The following KIAA1671 variants were observed in gnomAD, a reference collection of about 807,000 sequenced individuals.
The protein encoded by KIAA1671 is uncharacterized protein KIAA1671.
KIAA1671 carries 52 observed loss-of-function variants against 131.2 expected under a neutral mutation model. The observed-to-expected ratio is 0.40, with a 90% confidence interval of 0.32 to 0.50. KIAA1671 has a LOEUF of 0.50. Ranked by LOEUF, KIAA1671 falls within the 20% of genes least tolerant of loss-of-function variation. The probability of loss-of-function intolerance (pLI) is 0.73; values close to 1 mark genes in which losing one functional copy is unlikely to be tolerated. For missense variants in KIAA1671, 2,360 were observed against 2,364.2 expected (o/e 1.00, Z 0.04); for synonymous variants, 1,003 against 961.6 (o/e 1.04, Z -0.80).
intron 6 of KIAA1671, among the ~76,000 whole-genome samples, chr22:25,133,043 G>T (rs7290402): frequency 8.0e-6 from 1 of 125,620 alleles, no homozygotes; most frequent in East Asian, 2.4e-4. Flanking sequence ...GACAGAGTGA[G>T]ACTCCATCTC....
intron 6 of KIAA1671, among the ~76,000 whole-genome samples, chr22:25,087,244 C>T (rs1179592292): frequency 2.0e-5 from 3 of 149,972 alleles, no homozygotes; most frequent in Non-Finnish European, 3.0e-5. Context: ...TCTGCCCACT[C>T]TTAGAGATTT....
intron 6 of KIAA1671, among the ~76,000 whole-genome samples, chr22:25,098,012 G>A (rs567158986): frequency 6.6e-6 from 1 of 152,286 alleles, no homozygotes; most frequent in Non-Finnish European, 1.5e-5. Flanking sequence ...GGTGCATCAC[G>A]AGGAAGACTT....
intron 4 of KIAA1671, among the ~76,000 whole-genome samples, chr22:25,036,305 C>G (rs1197888409): frequency 1.3e-5 from 2 of 151,932 alleles, no homozygotes; most frequent in African/African-American, 4.8e-5. Context: ...GTCTCGAACT[C>G]CCGACCTCAG....
intron 5 of KIAA1671, among the ~76,000 whole-genome samples, chr22:25,042,464 T>G (rs1206677058): frequency 4.8e-5 from 1 of 20,762 alleles, no homozygotes; most frequent in Admixed American, 3.4e-4. Flanking sequence ...CAGTCCCTTG[T>G]TTTTTTTTTT....
At chr22:25,103,335 C>G (rs569103331) in intron 6 of KIAA1671, among the ~76,000 whole-genome samples, 2 of 152,136 alleles carry the variant, frequency 1.3e-5, no homozygotes, top group East Asian at 3.9e-4. Context: ...CTCAGCCTCC[C>G]GGGTAGCTGG....
At chr22:25,012,123 C>T (rs1925071898) in intron 1 of KIAA1671, 1 of 152,034 alleles carries the variant, frequency 6.6e-6, no homozygotes, top group Non-Finnish European at 1.5e-5. Flanking sequence ...GAGCTTGCAT[C>T]TGCACTGTTG....
chr22:25,040,418 T>C lies in KIAA1671; in HGVS notation c.3288T>C (p.Asn1096=), dbSNP rs1318980344. Residue 1096 remains asparagine, a synonymous_variant, in exon 5 of 13, where the codon AAT becomes AAC. Coordinates refer to ENST00000358431, the MANE Select transcript of KIAA1671 (RefSeq NM_001145206.2). ...GGATGAAGGGACGAGAGCATGAAAATGCAAGCATTTTAAAAACTCTGAAGC... is the reference window on the plus strand; with the variant it reads ...GGATGAAGGGACGAGAGCATGAAAACGCAAGCATTTTAAAAACTCTGAAGC... ...KNWMKGREHE[N]ASILKTLKPT... The C allele has an allele frequency of 1.3e-6, 2 of 1,551,770 alleles. No homozygotes were observed. Among genetic ancestry groups the C allele is most frequent in the Admixed American group, 3.9e-5 (2 of 50,974 alleles).
At chr22:25,146,915 A>G (rs1932889338) in intron 6 of KIAA1671, among the ~76,000 whole-genome samples, 1 of 152,084 alleles carries the variant, frequency 6.6e-6, no homozygotes, top group African/African-American at 2.4e-5. Context: ...TGCCCCTTTC[A>G]TCTCCCCTGG....
At chr22:24,973,404 T>TG (rs1922739654) in intron 1 of KIAA1671, among the ~76,000 whole-genome samples, 1 of 140,892 alleles carries the variant, frequency 7.1e-6, no homozygotes, top group Non-Finnish European at 1.5e-5. Flanking sequence ...TTTTTTTTTT[T>TG]TTTTTTTTTT....
At chr22:25,115,544 C>G (rs2145920562) in intron 6 of KIAA1671, among the ~76,000 whole-genome samples, 1 of 152,306 alleles carries the variant, frequency 6.6e-6, no homozygotes, top group African/African-American at 2.4e-5. Context: ...ATAGCCCTGG[C>G]ATGCAGGAGG....
chr22:25,014,869 GTC>G (rs1267080785), intron 1 of KIAA1671: 2 of 152,198 alleles, frequency 1.3e-5, no homozygotes, highest in African/African-American at 4.8e-5. Flanking sequence ...GGGAAGTCCA[GTC>G]TCTCAGGAGG....
intron 1 of KIAA1671, chr22:25,012,976 A>G (rs1925114527): frequency 6.6e-6 from 1 of 152,248 alleles, no homozygotes; most frequent in African/African-American, 2.4e-5. Flanking sequence ...CACTCAGTCT[A>G]TCCTGTGCCA....
At chr22:25,136,178 G>A (rs915940078) in intron 6 of KIAA1671, among the ~76,000 whole-genome samples, 5 of 152,100 alleles carry the variant, frequency 3.3e-5, no homozygotes, top group Admixed American at 3.3e-4. Context: ...ATGTTCCTTA[G>A]GTATCTACCC....
At chr22:25,137,011 A>G (rs933327787) in intron 6 of KIAA1671, among the ~76,000 whole-genome samples, 2 of 152,208 alleles carry the variant, frequency 1.3e-5, no homozygotes, top group Admixed American at 1.3e-4. Flanking sequence ...TCAGCTCCGC[A>G]ATCCTATTAT....
At chr22:25,101,184 G>A (rs1242616249) in intron 6 of KIAA1671, among the ~76,000 whole-genome samples, 1 of 152,182 alleles carries the variant, frequency 6.6e-6, no homozygotes, top group Non-Finnish European at 1.5e-5. Context: ...CTTTCCCAGG[G>A]TCTGATTGCC....
chr22:25,042,662 A>T (rs1335544133), intron 5 of KIAA1671, among the ~76,000 whole-genome samples: 2 of 149,948 alleles, frequency 1.3e-5, no homozygotes, highest in Admixed American at 6.6e-5. Flanking sequence ...TTTAGTAGAG[A>T]CGGGGTTTCA....
chr22:25,107,802 G>A (rs567607099), intron 6 of KIAA1671, among the ~76,000 whole-genome samples: 173 of 152,000 alleles, frequency 1.1e-3, no homozygotes, highest in Middle Eastern at 6.8e-3. Flanking sequence ...CTGGTCAGGA[G>A]TTCAAGACCA....
At chr22:25,123,433 C>T (rs1488735176) in intron 6 of KIAA1671, among the ~76,000 whole-genome samples, 1 of 152,050 alleles carries the variant, frequency 6.6e-6, no homozygotes, top group Non-Finnish European at 1.5e-5. Context: ...ACCTTGTGAT[C>T]CACCCGCCTT....
chr22:25,169,150 C>G (rs1170662977), intron 6 of KIAA1671, among the ~76,000 whole-genome samples: 1 of 152,050 alleles, frequency 6.6e-6, no homozygotes, highest in African/African-American at 2.4e-5. Flanking sequence ...TGGTGCCTCA[C>G]CATGCAATGT....
Sources: allele counts gnomAD v4.1 joint callset (sites outside exome capture counted in the v4.1 genomes callset), GRCh38; gene constraint gnomAD v4.1.1; transcripts MANE v1.5; gene names NCBI Gene and HGNC (gene_info 2026-07-23, HGNC 2026-07-21).